DAB2: variants seen among roughly 807,000 people sequenced by gnomAD.
The protein encoded by DAB2 is disabled homolog 2.
DAB2 carries 28 observed loss-of-function variants against 71.6 expected under a neutral mutation model. That is an observed-to-expected ratio of 0.39 (90% CI 0.29 to 0.54). DAB2 has a LOEUF of 0.54. DAB2 is among the 20% of genes least tolerant of loss of function. DAB2 has a pLI of 0.68. For synonymous variants in DAB2, 345 were observed against 339.7 expected, an observed-to-expected ratio of 1.02 and a Z score of -0.17; for missense variants, 867 against 928.8, an observed-to-expected ratio of 0.93 and a Z score of 0.86.
intron 1 of DAB2, among the ~76,000 whole-genome samples, chr5:39,409,222 C>T (rs1018092862): frequency 9.9e-5 from 15 of 151,786 alleles, no homozygotes; most frequent in Admixed American, 5.2e-4. Flanking sequence ...AGCTAAAGTT[C>T]ACATCTGTCA....
intron 1 of DAB2, among the ~76,000 whole-genome samples, chr5:39,421,106 C>G (rs1755974171): frequency 6.6e-6 from 1 of 152,098 alleles, no homozygotes; most frequent in Non-Finnish European, 1.5e-5. Context: ...CCTGACCAAA[C>G]CAAAGTGCAG....
chr5:39,375,108 C>A, intron 13 of DAB2, 24 bp from the exon 14 acceptor site: 3 of 1,536,436 alleles, frequency 2.0e-6, no homozygotes, highest in Admixed American at 1.7e-5. Flanking sequence ...ATCATCTAGT[C>A]AATAAATACA....
rs561676320 is a variant in DAB2 at position 39,387,123 on chromosome 5, C to A, written c.687+1182G>T. Reference sequence around the variant, plus strand: ...CAGAGAAGAATGCATGAAGTCCCTGCTCCTCTCCATCTCATTTGACCTGAA... The same window carrying A: ...CAGAGAAGAATGCATGAAGTCCCTGATCCTCTCCATCTCATTTGACCTGAA... On this transcript the variant is annotated intron_variant, in intron 9 of 14. Transcript: ENST00000320816. Among the ~76,000 whole-genome samples, 4 of 152,280 alleles carry A rather than the reference C, an allele frequency of 2.6e-5. No homozygotes were observed. The South Asian group carries it at 6.2e-4, about 24-fold the overall frequency.
chr5:39,415,187 T>C (rs1247057046), intron 1 of DAB2, among the ~76,000 whole-genome samples: 3 of 152,160 alleles, frequency 2.0e-5, no homozygotes, highest in Non-Finnish European at 4.4e-5. Flanking sequence ...TCAACAATTT[T>C]TAAATTATGA....
intron 2 of DAB2, among the ~76,000 whole-genome samples, chr5:39,393,882 C>T (rs1205156864): frequency 1.3e-5 from 2 of 152,138 alleles, no homozygotes; most frequent in African/African-American, 2.4e-5. Context: ...TTTACAAGGT[C>T]TGTGTAGTCC....
intron 12 of DAB2, among the ~76,000 whole-genome samples, chr5:39,376,411 C>A (rs1174538329): frequency 1.3e-5 from 2 of 152,140 alleles, no homozygotes; most frequent in Non-Finnish European, 2.9e-5. Flanking sequence ...TAGCTCATGG[C>A]AGCCCTTTTA....
chr5:39,388,704 G>T (rs1372784764), intron 8 of DAB2, 95 bp downstream of exon 8: 10 of 1,002,780 alleles, frequency 1.0e-5, no homozygotes, highest in Non-Finnish European at 1.5e-5. Context: ...TTTTCATATA[G>T]ATTCAATACA....
At chr5:39,400,254 T>C (rs10043562) in intron 1 of DAB2, among the ~76,000 whole-genome samples, 112,976 of 151,218 alleles carry the variant, frequency 0.75, 42,791 homozygotes, top group African/African-American at 0.8. Flanking sequence ...TTTCTTGAGA[T>C]AGAGTTTCAC....
intron 5 of DAB2, 105 bp downstream of exon 5, chr5:39,390,339 C>A: frequency 7.5e-7 from 1 of 1,336,576 alleles, no homozygotes. Context: ...ATTATTTAGC[C>A]CTCTTACATC....
intron 9 of DAB2, among the ~76,000 whole-genome samples, chr5:39,384,200 A>G (rs1303857077): frequency 6.6e-6 from 1 of 152,222 alleles, no homozygotes; most frequent in Non-Finnish European, 1.5e-5. Flanking sequence ...GTCCCTCCTT[A>G]TCCTCAGGGA....
intron 1 of DAB2, among the ~76,000 whole-genome samples, chr5:39,410,638 C>T (rs1561378996): frequency 6.6e-6 from 1 of 152,062 alleles, no homozygotes; most frequent in Non-Finnish European, 1.5e-5. Flanking sequence ...GCTGTAAAGA[C>T]TCATTTATTA....
chr5:39,382,031 G>A (rs545091723), intron 10 of DAB2, among the ~76,000 whole-genome samples: 1 of 152,294 alleles, frequency 6.6e-6, no homozygotes, highest in African/African-American at 2.4e-5. Flanking sequence ...TCTTAATCCA[G>A]GCAAGCCTGT....
At chr5:39,424,423 G>T (rs1424705579) in intron 1 of DAB2, among the ~76,000 whole-genome samples, 14 of 150,376 alleles carry the variant, frequency 9.3e-5, no homozygotes, top group Admixed American at 9.3e-4. Flanking sequence ...TTAATTAGGC[G>T]GTCAGCAGCC....
chr5:39,421,799 G>A (rs1755991885), intron 1 of DAB2, among the ~76,000 whole-genome samples: 1 of 151,860 alleles, frequency 6.6e-6, no homozygotes, highest in African/African-American at 2.4e-5. Flanking sequence ...GCTCATGCCT[G>A]TAATTCCAGC....
chr5:39,373,850 A>G (rs2112015711), intron 14 of DAB2, among the ~76,000 whole-genome samples: 1 of 152,316 alleles, frequency 6.6e-6, no homozygotes, highest in African/African-American at 2.4e-5. Context: ...TCTAGCTCTT[A>G]AATATCTACT....
intron 1 of DAB2, among the ~76,000 whole-genome samples, chr5:39,394,911 ATTTGT>A (rs1307918013): frequency 1.3e-5 from 2 of 152,168 alleles, no homozygotes; most frequent in Admixed American, 1.3e-4. Context: ...ACATTGATAA[ATTTGT>A]TTTAAGTATT....
At chr5:39,402,624 T>C (rs1104330) in intron 1 of DAB2, among the ~76,000 whole-genome samples, 8 of 152,122 alleles carry the variant, frequency 5.3e-5, no homozygotes, top group African/African-American at 1.7e-4. Flanking sequence ...CACCATGTTG[T>C]CCAGGCTGAT....
rs746265757 is a variant in DAB2 at position 39,389,830 on chromosome 5, G to A, written c.543+22C>T. 7 of 1,360,916 alleles carry A rather than the reference G, an allele frequency of 5.1e-6. No homozygotes were observed. The South Asian group carries it at 8.6e-5, about 17-fold the overall frequency. The allele number at this position is 1,360,916 out of a possible 1,614,324, so 84.3% of individuals were successfully genotyped here. ...CCCAGCCAGTTTTAAATTTAATAGA[G>A]CCTTAATCAGGTAGTACTTGCCTTT... On this transcript the variant is annotated intron_variant, in intron 6 of 14. Coordinates refer to ENST00000320816, the MANE Select transcript of DAB2 (RefSeq NM_001343.4).
In DAB2 at chr5:39,376,763, G is replaced by A. The variant is rs1754840385; in HGVS notation, c.2024C>T (p.Ser675Phe). The A allele has an allele frequency of 1.9e-6, 3 of 1,614,048 alleles. No homozygotes were observed. The highest frequency in any genetic ancestry group is 2.5e-6 in the Non-Finnish European group (3 of 1,180,036). Residue 675 changes from serine to phenylalanine, a missense_variant, in exon 12 of 15, where the codon TCT becomes TTT. Around this residue, in one of 2 missense-constraint regions of DAB2, gnomAD observed 740 missense variants for 734.3 expected, o/e 1.01. Coordinates refer to ENST00000320816, the MANE Select transcript of DAB2 (RefSeq NM_001343.4). ...AVPARKGEQT[S>F]SGTLSAFASY... ...GGCAAAGGCACTCAAAGTCCCAGAA[G>A]AAGTCTGCTCTCCCTTCCGCGCGGG...
Sources: gnomAD v4.1 joint callset for allele counts (sites outside exome capture counted in the v4.1 genomes callset) on GRCh38, gnomAD v4.1.1 for gene constraint, gnomAD v4.1.1 regional missense constraint, MANE v1.5 for transcripts, NCBI Gene and HGNC (gene_info 2026-07-23, HGNC 2026-07-21) for gene names.